The following DCDC1 variants were observed in gnomAD, a reference collection of about 807,000 sequenced individuals.
The protein encoded by DCDC1 is doublecortin domain containing 1, also known as doublecortin domain-containing protein 1.
A neutral mutation model predicts 178.3 loss-of-function variants in DCDC1; 200 were observed. That is an observed-to-expected ratio of 1.12 (90% confidence interval 1.00 to 1.26). The LOEUF (loss-of-function observed/expected upper bound fraction) is 1.26, where lower values mean the gene tolerates loss of function less well. Among genes scored for constraint, DCDC1 ranks in the 50% most tolerant of loss-of-function variants. The pLI is 0.00. For missense variants in DCDC1, 1,983 were observed against 1,749.2 expected, an observed-to-expected ratio of 1.13 and a Z score of -2.38; for synonymous variants, 690 against 604.8, an observed-to-expected ratio of 1.14 and a Z score of -2.07.
intron 38 of DCDC1, among the ~76,000 whole-genome samples, chr11:30,868,149 T>A (rs1941172783): frequency 6.6e-6 from 1 of 152,008 alleles, no homozygotes; most frequent in African/African-American, 2.4e-5. Flanking sequence ...CTCTGATTCT[T>A]ACACCAAGAC....
intron 21 of DCDC1, among the ~76,000 whole-genome samples, chr11:30,938,477 C>G (rs1029855937): frequency 2.6e-5 from 4 of 152,188 alleles, no homozygotes; most frequent in African/African-American, 9.6e-5. Context: ...CTCTCCCTCT[C>G]TGGCCCTCTA....
At chr11:30,921,720 TC>T (rs1451044721) in intron 24 of DCDC1, among the ~76,000 whole-genome samples, 2 of 152,154 alleles carry the variant, frequency 1.3e-5, no homozygotes, top group Non-Finnish European at 2.9e-5. Flanking sequence ...ACTTTGGGTA[TC>T]TTAGTTAAAC....
In DCDC1 at chr11:30,925,322, T is replaced by C; in HGVS notation, c.2984A>G (p.Gln995Arg). The change falls in exon 23 of 39, where the codon CAA becomes CGA. Residue 995 changes from glutamine to arginine, a missense_variant. Gln to Arg is a conservative substitution (Grantham distance 43, BLOSUM62 1). Coordinates refer to ENST00000684477, the MANE Select transcript of DCDC1 (RefSeq NM_001387274.1). ...CCATGTCTTTACCAGTTCATCTCTT[T>C]GCAGGTCTTTTAAGGCAAATATTTC... ...GKEIFALKDL[Q>R]RDELVYVSCG... 1 of 1,613,700 alleles carries C rather than the reference T, an allele frequency of 6.2e-7. No individual in the cohort carries two copies. The highest frequency in any genetic ancestry group is 8.5e-7 in the Non-Finnish European group (1 of 1,179,688).
intron 9 of DCDC1, among the ~76,000 whole-genome samples, chr11:31,214,789 G>C (rs971832121): frequency 1.3e-5 from 2 of 152,068 alleles, no homozygotes; most frequent in Admixed American, 6.6e-5. Context: ...TCAAGGGAAA[G>C]AGATTATTTG....
intron 32 of DCDC1, among the ~76,000 whole-genome samples, chr11:30,900,849 A>G (rs1355136373): frequency 6.6e-6 from 1 of 152,168 alleles, no homozygotes; most frequent in Non-Finnish European, 1.5e-5. Context: ...ATCCAGGGAT[A>G]AAGTACCTTA....
Position 31,127,661 on chromosome 11 carries a change from A to G in DCDC1, c.1315-22T>C, listed in dbSNP as rs1266939810. The G allele has an allele frequency of 4.3e-6, 3 of 699,428 alleles. No individual in the cohort carries two copies. In the Admixed American group the frequency reaches 6.1e-5, roughly 14 times the overall value. 43.3% of individuals were successfully genotyped at this position (699,428 alleles called of 1,614,324 possible). Reference sequence around the variant, plus strand: ...TCACCTGAAGGGGTTAAATTACAAGAGTTGTTAGCGAGAAGTAATTGTTGA... The same window carrying G: ...TCACCTGAAGGGGTTAAATTACAAGGGTTGTTAGCGAGAAGTAATTGTTGA... On this transcript the variant is annotated intron_variant, in intron 10 of 38. Transcript: ENST00000684477.
chr11:31,296,571 G>C (rs555332358), intron 6 of DCDC1, among the ~76,000 whole-genome samples: 2 of 152,140 alleles, frequency 1.3e-5, no homozygotes, highest in Non-Finnish European at 2.9e-5. Flanking sequence ...CTTTACAGCA[G>C]CGCTCCACTA....
At chr11:31,083,314 T>C (rs1382085899) in intron 17 of DCDC1, among the ~76,000 whole-genome samples, 1 of 152,236 alleles carries the variant, frequency 6.6e-6, no homozygotes, top group Non-Finnish European at 1.5e-5. Context: ...GAACATTCAG[T>C]TCTGTATTTA....
chr11:31,024,063 T>C (rs1005171947), intron 20 of DCDC1, among the ~76,000 whole-genome samples: 1 of 151,948 alleles, frequency 6.6e-6, no homozygotes, highest in African/African-American at 2.4e-5. Context: ...AGCACAAAGG[T>C]ACATGATTAG....
chr11:30,887,911 G>A (rs1228596782), intron 36 of DCDC1, among the ~76,000 whole-genome samples: 1 of 151,366 alleles, frequency 6.6e-6, no homozygotes, highest in African/African-American at 2.4e-5. Context: ...TGGGAGGCAG[G>A]AGAATCACTT....
intron 20 of DCDC1, among the ~76,000 whole-genome samples, chr11:31,027,803 G>A (rs1036004046): frequency 4.6e-5 from 7 of 151,854 alleles, no homozygotes; most frequent in African/African-American, 1.7e-4. Flanking sequence ...CATTGCTAAA[G>A]CATGCTGGGT....
At chr11:30,908,189 CAT>C (rs1315958687) in intron 29 of DCDC1, among the ~76,000 whole-genome samples, 22 of 152,146 alleles carry the variant, frequency 1.4e-4, no homozygotes, top group African/African-American at 2.6e-4. Context: ...AAATAGGAAA[CAT>C]GTGGGAAAAC....
intron 20 of DCDC1, among the ~76,000 whole-genome samples, chr11:31,025,845 T>A (rs1953193958): frequency 6.6e-6 from 1 of 151,752 alleles, no homozygotes; most frequent in Admixed American, 6.6e-5. Context: ...AACTGAGGCC[T>A]ACTGTGTAAT....
intron 21 of DCDC1, among the ~76,000 whole-genome samples, chr11:30,937,398 C>T (rs749298728): frequency 7.9e-5 from 12 of 152,128 alleles, no homozygotes; most frequent in Non-Finnish European, 1.3e-4. Context: ...CCCTGACTCC[C>T]CCAGTCCTCA....
chr11:31,292,372 T>A (rs188998423), intron 6 of DCDC1, among the ~76,000 whole-genome samples: 144 of 152,200 alleles, frequency 9.5e-4, no homozygotes, highest in Non-Finnish European at 1.5e-3. Flanking sequence ...TGTCCATCAA[T>A]AGATGAATGG....
chr11:31,149,576 A>G (rs1964929895), intron 9 of DCDC1, among the ~76,000 whole-genome samples: 1 of 152,048 alleles, frequency 6.6e-6, no homozygotes, highest in South Asian at 2.1e-4. Context: ...TTTGCTCTTC[A>G]CAATTAATGT....
chr11:31,210,122 C>T (rs1001394772), intron 9 of DCDC1, among the ~76,000 whole-genome samples: 11 of 152,196 alleles, frequency 7.2e-5, no homozygotes, highest in Non-Finnish European at 1.0e-4. Context: ...AAGTCAATCA[C>T]CCTTCAAGTA....
intron 13 of DCDC1, among the ~76,000 whole-genome samples, chr11:31,104,870 T>G (rs1156757795): frequency 1.3e-5 from 2 of 152,058 alleles, no homozygotes; most frequent in African/African-American, 4.8e-5. Flanking sequence ...CAGGAGCTCA[T>G]TGTACTATTT....
intron 3 of DCDC1, among the ~76,000 whole-genome samples, chr11:31,321,326 C>A (rs1429075582): frequency 1.6e-5 from 2 of 122,118 alleles, no homozygotes; most frequent in African/African-American, 6.3e-5. Context: ...GCGTAGGACC[C>A]TCTGAGCCAG....
Sources: gnomAD v4.1 joint callset for allele counts (sites outside exome capture counted in the v4.1 genomes callset) on GRCh38, gnomAD v4.1.1 for gene constraint, MANE v1.5 for transcripts, NCBI Gene and HGNC (gene_info 2026-07-23, HGNC 2026-07-21) for gene names.